KIAA1217: variants seen among roughly 807,000 people sequenced by gnomAD.
KIAA1217 encodes KIAA1217, also known as sickle tail protein homolog.
KIAA1217 carries 88 observed loss-of-function variants against 163.9 expected under a neutral mutation model. The observed-to-expected ratio is 0.54, with a 90% CI of 0.45 to 0.64. The LOEUF is 0.64. Ranked by LOEUF, KIAA1217 falls within the 30% of genes least tolerant of loss-of-function variation. KIAA1217 has a pLI of 0.00. For synonymous variants in KIAA1217, 903 were observed against 923.1 expected (o/e 0.98, Z 0.39); for missense variants, 2,372 against 2,475.0 (o/e 0.96, Z 0.88).
intron 1 of KIAA1217, among the ~76,000 whole-genome samples, chr10:23,931,799 A>G (rs58773569): frequency 0.079 from 12,053 of 152,214 alleles, 1,029 homozygotes; most frequent in African/African-American, 0.21. Flanking sequence ...TCCTGGCAGG[A>G]AACAGATGGT....
chr10:24,109,139 G>T (rs1589529033), intron 2 of KIAA1217, among the ~76,000 whole-genome samples: 1 of 152,182 alleles, frequency 6.6e-6, no homozygotes, highest in East Asian at 1.9e-4. Context: ...CCAAGACTGG[G>T]TATATTTGAA....
At chr10:24,468,964 CA>C (rs1398856793) in intron 5 of KIAA1217, among the ~76,000 whole-genome samples, 1 of 151,948 alleles carries the variant, frequency 6.6e-6, no homozygotes, top group Non-Finnish European at 1.5e-5. Flanking sequence ...TGCATGTCAC[CA>C]AGCATGTTTT....
chr10:24,482,233 C>T (rs575965827), intron 6 of KIAA1217: 10 of 152,176 alleles, frequency 6.6e-5, no homozygotes, highest in African/African-American at 2.4e-4. Context: ...GAAAAGGCGT[C>T]GTCTGTCACT....
At chr10:24,385,476 G>A (rs2053884259) in intron 3 of KIAA1217, among the ~76,000 whole-genome samples, 1 of 152,170 alleles carries the variant, frequency 6.6e-6, no homozygotes, top group African/African-American at 2.4e-5. Context: ...CTTCTCATTT[G>A]GGAGAAGCAT....
At chr10:24,525,329 G>A (rs969567234) in intron 13 of KIAA1217, among the ~76,000 whole-genome samples, 1 of 152,180 alleles carries the variant, frequency 6.6e-6, no homozygotes, top group Non-Finnish European at 1.5e-5. Flanking sequence ...GTTAGCATGG[G>A]AGGGTGGTGA....
intron 1 of KIAA1217, among the ~76,000 whole-genome samples, chr10:23,933,440 AT>A (rs1314542250): frequency 1.3e-5 from 2 of 152,164 alleles, no homozygotes; most frequent in African/African-American, 4.8e-5. Context: ...TATTTCTTCT[AT>A]TGTAAAATCA....
At chr10:24,199,958 A>G (rs953597861) in intron 2 of KIAA1217, among the ~76,000 whole-genome samples, 1 of 151,786 alleles carries the variant, frequency 6.6e-6, no homozygotes, top group African/African-American at 2.4e-5. Flanking sequence ...ATTTATATAC[A>G]TATTTTAGGA....
At chr10:24,114,893 G>A (rs1380350055) in intron 2 of KIAA1217, among the ~76,000 whole-genome samples, 1 of 152,136 alleles carries the variant, frequency 6.6e-6, no homozygotes, top group Non-Finnish European at 1.5e-5. Flanking sequence ...TGTCCTCTCT[G>A]CTTTTTGGAG....
chr10:24,122,204 G>A, intron 2 of KIAA1217, among the ~76,000 whole-genome samples: 1 of 149,682 alleles, frequency 6.7e-6, no homozygotes, highest in African/African-American at 2.5e-5. Flanking sequence ...ATGTCCATGT[G>A]TACCCAAGAT....
intron 1 of KIAA1217, among the ~76,000 whole-genome samples, chr10:23,962,055 G>A (rs1330585883): frequency 1.3e-5 from 2 of 152,180 alleles, no homozygotes; most frequent in Non-Finnish European, 2.9e-5. Context: ...TGGAGGTTAG[G>A]CTTTAAACGT....
rs1251790514 is a variant in KIAA1217, at chr10:24,028,852, T to A, written c.-171+21478T>A. ...TTTATGCTTCTGTAAATAAGTGTTA[T>A]GTTGAATATTTTAAAATGTATCATT... On this transcript the variant is annotated intron_variant, in intron 2 of 18. Coordinates refer to the KIAA1217 transcript ENST00000376462. 3.9e-5 allele frequency among the ~76,000 whole-genome samples: 6 copies of A among 152,180 alleles called. No individual in the cohort carries two copies. The East Asian group carries it at 1.2e-3, about 29-fold the overall frequency.
intron 1 of KIAA1217, among the ~76,000 whole-genome samples, chr10:24,214,424 T>G (rs1272475968): frequency 6.6e-6 from 1 of 152,174 alleles, no homozygotes; most frequent in East Asian, 1.9e-4. Context: ...TGGAGGGTTC[T>G]GCTGGATCCT....
At chr10:24,497,110 T>C (rs765872856) in intron 8 of KIAA1217, among the ~76,000 whole-genome samples, 31 of 152,180 alleles carry the variant, frequency 2.0e-4, no homozygotes, top group Non-Finnish European at 3.5e-4. Context: ...GCACAAAATA[T>C]AATAATTCTT....
intron 1 of KIAA1217, among the ~76,000 whole-genome samples, chr10:23,770,581 G>A (rs1044412346): frequency 2.0e-5 from 3 of 152,150 alleles, no homozygotes; most frequent in African/African-American, 7.2e-5. Flanking sequence ...GAAGACCCTG[G>A]AAGAGTGATT....
intron 1 of KIAA1217, among the ~76,000 whole-genome samples, chr10:23,961,589 T>A (rs1209262609): frequency 6.6e-6 from 1 of 152,208 alleles, no homozygotes; most frequent in African/African-American, 2.4e-5. Flanking sequence ...TAAACTATCT[T>A]TAAAATAACC....
intron 2 of KIAA1217, among the ~76,000 whole-genome samples, chr10:24,050,290 G>A (rs1849407827): frequency 1.3e-5 from 2 of 152,154 alleles, no homozygotes; most frequent in Admixed American, 1.3e-4. Context: ...CTTTTGCTGT[G>A]CAGAAGCTCT....
At chr10:24,358,220 A>C (rs1395967428) in intron 2 of KIAA1217, among the ~76,000 whole-genome samples, 1 of 152,128 alleles carries the variant, frequency 6.6e-6, no homozygotes, top group Admixed American at 6.6e-5. Context: ...TAAAGTATCT[A>C]GTGTGTCTAG....
chr10:24,435,964 A>C (rs1269846055), intron 4 of KIAA1217, among the ~76,000 whole-genome samples: 2 of 151,822 alleles, frequency 1.3e-5, no homozygotes, highest in Admixed American at 1.3e-4. Flanking sequence ...GGGTTCAAGT[A>C]ATTCTCATGC....
At chr10:24,212,196 G>A (rs1300112017) in intron 1 of KIAA1217, among the ~76,000 whole-genome samples, 1 of 152,208 alleles carries the variant, frequency 6.6e-6, no homozygotes, top group Non-Finnish European at 1.5e-5. Context: ...TGGGATGTAA[G>A]AGAAAAAGAG....
Sources: gnomAD v4.1 joint callset for allele counts (sites outside exome capture counted in the v4.1 genomes callset) on GRCh38, gnomAD v4.1.1 for gene constraint, MANE v1.5 for transcripts, NCBI Gene and HGNC (gene_info 2026-07-23, HGNC 2026-07-21) for gene names.